Variants in SLC9A9 observed in about 807,000 individuals in gnomAD.
SLC9A9 encodes the protein sodium/hydrogen exchanger 9.
A neutral mutation model predicts 77.8 loss-of-function variants in SLC9A9; 62 were observed. That is an observed-to-expected ratio of 0.80 (90% CI 0.65 to 0.98). SLC9A9 has a LOEUF of 0.98. SLC9A9 is among the 50% of genes least tolerant of loss of function. The pLI is 0.00. For missense variants in SLC9A9, 775 were observed against 774.9 expected (o/e 1.00, Z 0.00); for synonymous variants, 320 against 283.5 (o/e 1.13, Z -1.29).
intron 2 of SLC9A9, among the ~76,000 whole-genome samples, chr3:143,818,848 G>A (rs185309131): frequency 1.3e-5 from 2 of 152,186 alleles, no homozygotes; most frequent in East Asian, 3.9e-4. Context: ...TTGGGAGGCC[G>A]AGGTGGGTGG....
At chr3:143,381,706 C>T (rs2033307544) in intron 13 of SLC9A9, among the ~76,000 whole-genome samples, 1 of 152,156 alleles carries the variant, frequency 6.6e-6, no homozygotes, top group Non-Finnish European at 1.5e-5. Flanking sequence ...GTGCAACATG[C>T]ATTGGACATA....
At chr3:143,533,413 C>T (rs562432260) in intron 9 of SLC9A9, among the ~76,000 whole-genome samples, 1 of 152,276 alleles carries the variant, frequency 6.6e-6, no homozygotes, top group East Asian at 1.9e-4. Context: ...TATCCTTTGA[C>T]TTCTGGTAGG....
intron 6 of SLC9A9, among the ~76,000 whole-genome samples, chr3:143,618,296 G>T (rs1290970672): frequency 6.6e-6 from 1 of 152,176 alleles, no homozygotes; most frequent in Non-Finnish European, 1.5e-5. Context: ...TACATTGGGA[G>T]CTTTGGAGAT....
intron 1 of SLC9A9, among the ~76,000 whole-genome samples, chr3:143,846,170 T>A (rs1576768304): frequency 6.6e-6 from 1 of 152,218 alleles, no homozygotes; most frequent in African/African-American, 2.4e-5. Flanking sequence ...TAGTAGGTTA[T>A]CAAAACTTTT....
intron 6 of SLC9A9, 83 bp downstream of exon 6, chr3:143,652,172 A>G: frequency 8.7e-7 from 1 of 1,144,434 alleles, no homozygotes; most frequent in Non-Finnish European, 1.3e-6. Flanking sequence ...GACTGCCCGT[A>G]TCTCTGTGAC....
intron 11 of SLC9A9, among the ~76,000 whole-genome samples, chr3:143,478,577 T>C (rs73867661): frequency 0.012 from 1,802 of 152,334 alleles, 32 homozygotes; most frequent in African/African-American, 0.041. Flanking sequence ...GAACTAATGA[T>C]GAAAATTCTT....
At chr3:143,420,866 A>C (rs557510973) in intron 12 of SLC9A9, among the ~76,000 whole-genome samples, 1 of 152,304 alleles carries the variant, frequency 6.6e-6, no homozygotes, top group African/African-American at 2.4e-5. Context: ...ATATGATTCT[A>C]TCATATCAGC....
intron 14 of SLC9A9, among the ~76,000 whole-genome samples, chr3:143,295,254 C>A (rs1383820273): frequency 6.6e-6 from 1 of 152,208 alleles, no homozygotes; most frequent in African/African-American, 2.4e-5. Flanking sequence ...CAATTCTCCC[C>A]TTTGCCATGG....
intron 5 of SLC9A9, among the ~76,000 whole-genome samples, chr3:143,657,771 T>G (rs563592270): frequency 7.9e-5 from 12 of 152,242 alleles, no homozygotes; most frequent in Non-Finnish European, 1.3e-4. Context: ...GTTATTTATA[T>G]TAACATGTAA....
At chr3:143,672,327 G>A (rs1409386022) in intron 5 of SLC9A9, among the ~76,000 whole-genome samples, 3 of 151,894 alleles carry the variant, frequency 2.0e-5, no homozygotes, top group Admixed American at 2.0e-4. Context: ...GCCAGAAGGT[G>A]AAAAAGAACA....
At chr3:143,644,308 T>C (rs1217542518) in intron 6 of SLC9A9, among the ~76,000 whole-genome samples, 1 of 152,236 alleles carries the variant, frequency 6.6e-6, no homozygotes, top group Non-Finnish European at 1.5e-5. Flanking sequence ...TGGATTTCTT[T>C]TATTTATTTT....
chr3:143,519,813 A>G (rs879704738), intron 9 of SLC9A9, among the ~76,000 whole-genome samples: 2 of 152,188 alleles, frequency 1.3e-5, no homozygotes, highest in Non-Finnish European at 2.9e-5. Context: ...TTGGGATGTA[A>G]GAGAAATAAA....
chr3:143,526,283 C>T (rs188688386), intron 9 of SLC9A9, among the ~76,000 whole-genome samples: 7 of 152,256 alleles, frequency 4.6e-5, no homozygotes, highest in Admixed American at 4.6e-4. Flanking sequence ...AAGAAGGGAG[C>T]CATCTGCGTC....
intron 9 of SLC9A9, among the ~76,000 whole-genome samples, chr3:143,551,507 C>T (rs865840831): frequency 1.3e-5 from 2 of 152,216 alleles, no homozygotes; most frequent in Non-Finnish European, 2.9e-5. Context: ...CCCTTGGCCT[C>T]AAATGCCCTT....
chr3:143,331,784 G>A (rs1227149819), intron 14 of SLC9A9, among the ~76,000 whole-genome samples: 1 of 152,106 alleles, frequency 6.6e-6, no homozygotes, highest in Admixed American at 6.5e-5. Context: ...TGTATATTAG[G>A]GGAGTTGAGC....
At chr3:143,643,465 A>G (rs1326039508) in intron 6 of SLC9A9, among the ~76,000 whole-genome samples, 3 of 152,210 alleles carry the variant, frequency 2.0e-5, no homozygotes, top group African/African-American at 7.2e-5. Context: ...ACCTTTAGAC[A>G]GGGTTCTGAT....
rs141078641 is a variant in SLC9A9 at position 143,741,880 on chromosome 3, G to A, written c.534-48573C>T. ...TGCCCTTGTTCATTCCTGGGCGTAG[G>A]CTGAGTTAACTTTGGGAGAAACTTA... On this transcript the variant is annotated intron_variant, in intron 4 of 15. Coordinates refer to ENST00000316549, the MANE Select transcript of SLC9A9 (RefSeq NM_173653.4). 9.7e-3 allele frequency among the ~76,000 whole-genome samples: 1,474 copies of A among 152,108 alleles called. 13 individuals are homozygous for A. Among genetic ancestry groups the A allele is most frequent in the Non-Finnish European group, 0.015 (1,039 of 68,000 alleles).
chr3:143,620,271 C>T (rs2108711108), intron 6 of SLC9A9, among the ~76,000 whole-genome samples: 1 of 152,260 alleles, frequency 6.6e-6, no homozygotes, highest in East Asian at 1.9e-4. Context: ...GTTGAACCTC[C>T]CTGAACCTCA....
intron 12 of SLC9A9, among the ~76,000 whole-genome samples, chr3:143,394,087 C>G (rs900378238): frequency 3.9e-5 from 6 of 152,186 alleles, no homozygotes; most frequent in African/African-American, 1.4e-4. Flanking sequence ...GGGAATCCCC[C>G]CTAACTCATT....
Sources: gnomAD v4.1 joint callset for allele counts (sites outside exome capture counted in the v4.1 genomes callset) on GRCh38, gnomAD v4.1.1 for gene constraint, MANE v1.5 for transcripts, NCBI Gene and HGNC (gene_info 2026-07-23, HGNC 2026-07-21) for gene names.